The following SOX5 variants were observed in gnomAD, a reference collection of about 807,000 sequenced individuals.
The protein encoded by SOX5 is transcription factor SOX-5.
A neutral mutation model predicts 92.0 loss-of-function variants in SOX5; 9 were observed. That is an observed-to-expected ratio of 0.10 (90% confidence interval 0.06 to 0.17). SOX5 has a LOEUF of 0.17. SOX5 is among the 10% of genes least tolerant of loss of function. The pLI, the probability that SOX5 is intolerant of heterozygous loss-of-function variation, is 1.00. For missense variants in SOX5, 642 were observed against 944.5 expected, an observed-to-expected ratio of 0.68 and a Z score of 4.20; for synonymous variants, 344 against 336.3, an observed-to-expected ratio of 1.02 and a Z score of -0.25.
In SOX5 at chr12:24,257,472, G is replaced by GT. The variant is rs968369470; in HGVS notation, c.-77+19743dup. Among the ~76,000 whole-genome samples, 4 of 74,116 alleles carry GT rather than the reference G, an allele frequency of 5.4e-5. No individual in the cohort carries two copies. The East Asian group carries it at 6.5e-3, about 121-fold the overall frequency. The allele number at this position is 74,116 out of a possible 152,430, so 48.6% of individuals were successfully genotyped here. A position where few individuals can be genotyped will look rare whatever the true frequency, so the allele number is the denominator to read the frequency against. On this transcript the variant is annotated intron_variant, in intron 3 of 4. Transcript: ENST00000446891. Reference sequence around the variant, plus strand: ...CTCTAGGGGTCTTTTTGTTTGTTTTGTTTTGTTTTTTTCTGAAACAGAATC... The same window carrying GT: ...CTCTAGGGGTCTTTTTGTTTGTTTTGTTTTTGTTTTTTTCTGAAACAGAATC...
chr12:24,305,804 C>T (rs1161205370), intron 2 of SOX5, among the ~76,000 whole-genome samples: 2 of 152,094 alleles, frequency 1.3e-5, no homozygotes, highest in Non-Finnish European at 2.9e-5. Context: ...ACTTTGTTGC[C>T]CACGCTGGTC....
chr12:24,069,351 CA>C (rs1941404999), intron 4 of SOX5, among the ~76,000 whole-genome samples: 1 of 152,204 alleles, frequency 6.6e-6, no homozygotes, highest in African/African-American at 2.4e-5. Flanking sequence ...GTTTCACCAT[CA>C]TGCTGGCCCA....
At chr12:23,991,545 A>G (rs924182220) in intron 4 of SOX5, among the ~76,000 whole-genome samples, 9 of 152,030 alleles carry the variant, frequency 5.9e-5, no homozygotes, top group Admixed American at 5.9e-4. Context: ...GTTATAAAAT[A>G]AATTACAAAA....
intron 1 of SOX5, among the ~76,000 whole-genome samples, chr12:23,918,050 A>G (rs766338591): frequency 1.1e-4 from 17 of 152,218 alleles, no homozygotes; most frequent in Non-Finnish European, 2.2e-4. Context: ...GTAGTAGGTT[A>G]TATGAGTTAT....
chr12:23,598,645 C>T lies in SOX5; in HGVS notation c.1164+5742G>A, dbSNP rs375660764. Among the ~76,000 whole-genome samples, 441 of 152,048 alleles carry T rather than the reference C, an allele frequency of 2.9e-3. 4 individuals are homozygous for T. Among genetic ancestry groups the T allele is most frequent in the African/African-American group, 0.01 (423 of 41,478 alleles). On this transcript the variant is annotated intron_variant, in intron 9 of 14. Coordinates refer to ENST00000451604, the MANE Select transcript of SOX5 (RefSeq NM_006940.6). ...CGATCTCCTGACCTCATGATCCATC[C>T]ACCTCGGCCTCCCAAAGTGCTGGGA...
At chr12:24,429,108 G>C (rs945919459) in intron 1 of SOX5, among the ~76,000 whole-genome samples, 1 of 152,074 alleles carries the variant, frequency 6.6e-6, no homozygotes, top group African/African-American at 2.4e-5. Flanking sequence ...ACAAGGTCAG[G>C]AGATCGAGAC....
rs574360457 is a variant in SOX5, at chr12:23,640,797, T to C, written c.1017+15A>G. 85 of 1,598,882 alleles carry C rather than the reference T, an allele frequency of 5.3e-5. 1 individual carries two copies. In the South Asian group the frequency reaches 8.2e-4, roughly 15 times the overall value. On this transcript the variant is annotated intron_variant, in intron 8 of 14. Coordinates refer to ENST00000451604, the MANE Select transcript of SOX5 (RefSeq NM_006940.6). ...TACTTAACCTTTGTCTCCTCTGTAT[T>C]GTTTCCTGACTTACCTGCAGTTGGA...
chr12:23,584,395 T>C (rs935266483), intron 9 of SOX5: 2 of 638,122 alleles, frequency 3.1e-6, no homozygotes, highest in East Asian at 2.7e-5. Context: ...CTCAGATCTT[T>C]GAAAAGTTTG....
chr12:23,833,629 A>C (rs1455494216), intron 3 of SOX5, among the ~76,000 whole-genome samples: 2 of 151,960 alleles, frequency 1.3e-5, no homozygotes, highest in Non-Finnish European at 2.9e-5. Context: ...AAATCACTTC[A>C]TGTGTGTATT....
At chr12:24,314,663 A>T (rs1453533428) in intron 2 of SOX5, among the ~76,000 whole-genome samples, 3 of 152,198 alleles carry the variant, frequency 2.0e-5, no homozygotes, top group Non-Finnish European at 4.4e-5. Context: ...TATGCGGCCT[A>T]AATAATCTGG....
At chr12:23,679,246 C>T (rs1221158905) in intron 6 of SOX5, among the ~76,000 whole-genome samples, 2 of 152,034 alleles carry the variant, frequency 1.3e-5, no homozygotes, top group Non-Finnish European at 2.9e-5. Flanking sequence ...TGGGTCCCTC[C>T]AAACCTCAGT....
chr12:23,689,002 A>C (rs1254443677), intron 6 of SOX5, among the ~76,000 whole-genome samples: 4 of 152,260 alleles, frequency 2.6e-5, no homozygotes, highest in Non-Finnish European at 5.9e-5. Flanking sequence ...TCAGAAAATT[A>C]TTATCTGACA....
At chr12:23,802,372 G>A (rs558429005) in intron 3 of SOX5, among the ~76,000 whole-genome samples, 1 of 152,122 alleles carries the variant, frequency 6.6e-6, no homozygotes, top group East Asian at 1.9e-4. Flanking sequence ...CAGCCACTGC[G>A]CCCGGCCTTT....
intron 10 of SOX5, among the ~76,000 whole-genome samples, chr12:23,569,739 G>C (rs1334232242): frequency 6.6e-6 from 1 of 152,146 alleles, no homozygotes; most frequent in Non-Finnish European, 1.5e-5. Context: ...TGGTGTGTTG[G>C]TGAATTTATT....
intron 1 of SOX5, among the ~76,000 whole-genome samples, chr12:24,556,379 T>A (rs775556544): frequency 3.3e-5 from 5 of 152,228 alleles, no homozygotes; most frequent in Admixed American, 6.5e-5. Flanking sequence ...CATCACCTCT[T>A]CAAATCAGGC....
chr12:23,559,430 GAC>G (rs1945809614), intron 11 of SOX5, among the ~76,000 whole-genome samples: 1 of 152,050 alleles, frequency 6.6e-6, no homozygotes, highest in African/African-American at 2.4e-5. Flanking sequence ...CAAGAAACCT[GAC>G]ACATACAGTT....
At chr12:24,482,536 C>A (rs190645196) in intron 1 of SOX5, among the ~76,000 whole-genome samples, 1 of 152,146 alleles carries the variant, frequency 6.6e-6, no homozygotes, top group East Asian at 1.9e-4. Context: ...GTTAGATCTC[C>A]TAAGAAATAA....
At chr12:24,459,579 G>A (rs1257320686) in intron 1 of SOX5, among the ~76,000 whole-genome samples, 1 of 152,110 alleles carries the variant, frequency 6.6e-6, no homozygotes, top group African/African-American at 2.4e-5. Flanking sequence ...AAGGAGAGAT[G>A]AGTTCTGGGT....
At chr12:24,270,941 T>G (rs1943653829) in intron 3 of SOX5, among the ~76,000 whole-genome samples, 1 of 152,222 alleles carries the variant, frequency 6.6e-6, no homozygotes, top group African/African-American at 2.4e-5. Flanking sequence ...TATTTCCGGA[T>G]TTTTTGGCAA....
Sources: gnomAD v4.1 joint callset for allele counts (sites outside exome capture counted in the v4.1 genomes callset) on GRCh38, gnomAD v4.1.1 for gene constraint, MANE v1.5 for transcripts, NCBI Gene and HGNC (gene_info 2026-07-23, HGNC 2026-07-21) for gene names.